Variants in DAB2IP observed in about 807,000 individuals in gnomAD.
DAB2IP encodes the protein DAB2 interacting protein.
Under a neutral mutation model 107.2 loss-of-function variants are expected in DAB2IP, and 28 were observed. That is an observed-to-expected ratio of 0.26 (90% CI 0.19 to 0.36). The LOEUF (loss-of-function observed/expected upper bound fraction) is 0.36. DAB2IP is among the 10% of genes least tolerant of loss of function. The pLI, the probability that DAB2IP is intolerant of heterozygous loss-of-function variation, is 1.00. For missense variants in DAB2IP, 1,400 were observed against 1,644.7 expected (o/e 0.85, Z 2.57); for synonymous variants, 755 against 706.4 (o/e 1.07, Z -1.09).
At chr9:121,770,330 C>T (rs1167370948) in intron 10 of DAB2IP, among the ~76,000 whole-genome samples, 2 of 152,214 alleles carry the variant, frequency 1.3e-5, no homozygotes, top group South Asian at 4.1e-4. Context: ...GCCTCCTACT[C>T]CTGCCCTAGA....
In DAB2IP at chr9:121,676,455, C is replaced by T. The variant is rs138469570; in HGVS notation, c.125-2223C>T. Reference sequence around the variant, plus strand: ...GCACATGTGTTTGTCTGGGCATTACCGTCTCACTCCACACCCCTGTGTGTT... The same window carrying T: ...GCACATGTGTTTGTCTGGGCATTACTGTCTCACTCCACACCCCTGTGTGTT... On this transcript the variant is annotated intron_variant, in intron 1 of 15. Coordinates refer to ENST00000408936, the Ensembl canonical transcript of DAB2IP. Among the ~76,000 whole-genome samples the T allele has an allele frequency of 2.4e-3, 367 of 152,252 alleles. 1 individual carries two copies. Among genetic ancestry groups the T allele is most frequent in the African/African-American group, 8.5e-3 (353 of 41,532 alleles).
intron 1 of DAB2IP, among the ~76,000 whole-genome samples, chr9:121,611,577 A>G (rs1174972713): frequency 1.3e-5 from 2 of 152,052 alleles, no homozygotes; most frequent in Non-Finnish European, 2.9e-5. Context: ...GGCTGTTATT[A>G]TATTATTATT....
At chr9:121,785,503 A>ATATT (rs1245542553) in exon 16 of DAB2IP, 1 of 152,670 alleles carries the variant, frequency 6.6e-6, no homozygotes, top group Non-Finnish European at 1.5e-5. Context: ...GCAATTAGAA[A>ATATT]TATTAAAGAT....
chr9:121,652,715 T>C (rs1479115583), intron 1 of DAB2IP, among the ~76,000 whole-genome samples: 1 of 151,882 alleles, frequency 6.6e-6, no homozygotes, highest in African/African-American at 2.4e-5. Flanking sequence ...CACCATCAGG[T>C]TATCTTGAAA....
intron 1 of DAB2IP, among the ~76,000 whole-genome samples, chr9:121,644,254 A>C (rs1832460276): frequency 6.6e-6 from 1 of 151,912 alleles, no homozygotes; most frequent in South Asian, 2.1e-4. Context: ...CAAGGAAGGA[A>C]GGAGAAAGGA....
chr9:121,763,793 G>A (rs1399276619), exon 8 of DAB2IP: 2 of 1,614,144 alleles, frequency 1.2e-6, no homozygotes, highest in Middle Eastern at 1.6e-4. Flanking sequence ...ATCCCAGCAA[G>A]TGCTCGGCCG....
intron 1 of DAB2IP, among the ~76,000 whole-genome samples, chr9:121,640,176 G>T (rs964247572): frequency 6.6e-6 from 1 of 152,166 alleles, no homozygotes; most frequent in African/African-American, 2.4e-5. Flanking sequence ...GGGGCAAGGG[G>T]TACTTTATCC....
chr9:121,766,849 CCT>C (rs1439648047), intron 9 of DAB2IP, 119 bp downstream of exon 9: 4 of 992,920 alleles, frequency 4.0e-6, no homozygotes, highest in East Asian at 4.8e-5. Context: ...TGGTTTTGTC[CCT>C]GTCATCCTCA....
chr9:121,652,078 C>A (rs938328886), intron 1 of DAB2IP, among the ~76,000 whole-genome samples, 179 bp downstream of exon 1: 1 of 152,178 alleles, frequency 6.6e-6, no homozygotes, highest in African/African-American at 2.4e-5. Context: ...GTCCTCCTCT[C>A]GCCGGGGGAA....
At position 121,594,035 on chromosome 9, in the gene DAB2IP, A is replaced by G. The variant is rs563515915; in HGVS notation, c.40+26807A>G. 4.6e-5 allele frequency among the ~76,000 whole-genome samples: 7 copies of G among 152,066 alleles called. No individual in the cohort carries two copies. In the East Asian group the frequency reaches 7.8e-4, roughly 17 times the overall value. On this transcript the variant is annotated intron_variant, in intron 1 of 16. Transcript: ENST00000259371. ...CCCTGTAAACAACTTCCTCTTGACC[A>G]TAGTCATATAATTGCTACCTGTACC...
At chr9:121,687,673 T>G (rs1287969756) in intron 2 of DAB2IP, among the ~76,000 whole-genome samples, 1 of 152,216 alleles carries the variant, frequency 6.6e-6, no homozygotes, top group Non-Finnish European at 1.5e-5. Context: ...GGCCCTGTGC[T>G]GAGCACTTTC....
intron 1 of DAB2IP, among the ~76,000 whole-genome samples, chr9:121,628,331 C>T (rs1429233192): frequency 6.6e-6 from 1 of 152,180 alleles, no homozygotes; most frequent in East Asian, 1.9e-4. Context: ...AGGCAGATGC[C>T]CCCCTGCCCA....
intron 11 of DAB2IP, 89 bp downstream of exon 11, chr9:121,770,813 C>T (rs1468270058): frequency 6.7e-7 from 1 of 1,503,362 alleles, no homozygotes; most frequent in Non-Finnish European, 9.0e-7. Flanking sequence ...AAAGAGGATG[C>T]CTACATAGTG....
At chr9:121,646,733 C>T (rs1356268020), upstream of DAB2IP, among the ~76,000 whole-genome samples, 1 of 152,058 alleles carries the variant, frequency 6.6e-6, no homozygotes, top group African/African-American at 2.4e-5. Context: ...CCTGTCGCCC[C>T]TAGCCTCCTC....
chr9:121,691,908 A>C (rs1050836418), intron 2 of DAB2IP, among the ~76,000 whole-genome samples: 1 of 152,212 alleles, frequency 6.6e-6, no homozygotes, highest in Non-Finnish European at 1.5e-5. Context: ...CTTGCCAGGG[A>C]ACAGAACTCC....
chr9:121,675,418 CTGAGGGCAT>C (rs949269191), intron 1 of DAB2IP, among the ~76,000 whole-genome samples: 5 of 152,160 alleles, frequency 3.3e-5, no homozygotes, highest in African/African-American at 1.2e-4. Context: ...TCCCTTCTTT[CTGAGGGCAT>C]TGAGGGCATT....
chr9:121,604,608 C>A (rs1429607884), intron 1 of DAB2IP, among the ~76,000 whole-genome samples: 1 of 152,172 alleles, frequency 6.6e-6, no homozygotes, highest in Non-Finnish European at 1.5e-5. Context: ...TGCTTACTGC[C>A]CAAATTCTTC....
At chr9:121,626,390 C>T (rs184512960) in intron 1 of DAB2IP, among the ~76,000 whole-genome samples, 4 of 147,904 alleles carry the variant, frequency 2.7e-5, no homozygotes, top group Admixed American at 6.9e-5. Flanking sequence ...TCTGGGCAGA[C>T]GAGATAGTGT....
intron 3 of DAB2IP, among the ~76,000 whole-genome samples, chr9:121,718,088 G>C (rs1313005727): frequency 6.6e-6 from 1 of 152,144 alleles, no homozygotes; most frequent in Non-Finnish European, 1.5e-5. Context: ...TGGACATGCT[G>C]GTGGCCCAGG....
Sources: allele counts gnomAD v4.1 joint callset (sites outside exome capture counted in the v4.1 genomes callset), GRCh38; gene constraint gnomAD v4.1.1; transcripts MANE v1.5; gene names NCBI Gene and HGNC (gene_info 2026-07-23, HGNC 2026-07-21).